Variants in GANC observed in about 807,000 individuals in gnomAD.
The protein encoded by GANC is glucosidase alpha, neutral C, also known as neutral alpha-glucosidase C.
A neutral mutation model predicts 124.2 loss-of-function variants in GANC; 117 were observed. The observed-to-expected ratio is 0.94, with a 90% confidence interval of 0.81 to 1.10. GANC has a LOEUF of 1.10. GANC is among the 50% of genes least tolerant of loss of function. The probability of loss-of-function intolerance (pLI) is 0.00; values close to 1 mark genes in which losing one functional copy is unlikely to be tolerated. For synonymous variants in GANC, 377 were observed against 376.8 expected, an observed-to-expected ratio of 1.00 and a Z score of -0.01; for missense variants, 1,140 against 1,095.0, an observed-to-expected ratio of 1.04 and a Z score of -0.58.
At chr15:42,305,963 G>A (rs374403335) in intron 6 of GANC, among the ~76,000 whole-genome samples, 1 of 151,838 alleles carries the variant, frequency 6.6e-6, no homozygotes, top group Non-Finnish European at 1.5e-5. Context: ...GGCTAGGGGA[G>A]AGATAGCATT....
At chr15:42,337,934 A>G (rs1193352207) in intron 15 of GANC, among the ~76,000 whole-genome samples, 2 of 152,052 alleles carry the variant, frequency 1.3e-5, no homozygotes, top group Non-Finnish European at 2.9e-5. Context: ...GATGGTGCAC[A>G]CTTGTAATCC....
rs1205452897 is a variant in GANC, at chr15:42,320,977, G to A, written c.1058-808G>A. ...AAATTACTCCACTCCCATTCTCTTTGTTTTTGTGGCTTTCTTCCTTTTTTC... is the reference window on the plus strand; with the variant it reads ...AAATTACTCCACTCCCATTCTCTTTATTTTTGTGGCTTTCTTCCTTTTTTC... On this transcript the variant is annotated intron_variant, in intron 10 of 23. Coordinates refer to ENST00000318010, the MANE Select transcript of GANC (RefSeq NM_198141.3). Among the ~76,000 whole-genome samples, 5 of 152,104 alleles carry A rather than the reference G, an allele frequency of 3.3e-5. 1 individual carries two copies. In the South Asian group the frequency reaches 1.0e-3, roughly 32 times the overall value.
At position 42,352,329 on chromosome 15, in the gene GANC, G is replaced by A. The variant is rs148767886; in HGVS notation, c.*190G>A. ...AATTTCAGATTTTACATGTTAAGAT[G>A]TACTAACAATATTCCTTGTATCAAA... On this transcript the variant is annotated 3_prime_UTR_variant, in exon 24 of 24. Transcript: ENST00000318010. The A allele has an allele frequency of 1.3e-5, 18 of 1,402,310 alleles. No individual in the cohort carries two copies. The African/African-American group carries it at 2.6e-4, about 20-fold the overall frequency. The allele number at this position is 1,402,310 out of a possible 1,614,324, so 86.9% of individuals were successfully genotyped here. A position where few individuals can be genotyped will look rare whatever the true frequency, so the allele number is the denominator to read the frequency against.
chr15:42,348,354 T>C, intron 21 of GANC, 138 bp downstream of exon 21: 1 of 619,664 alleles, frequency 1.6e-6, no homozygotes, highest in Non-Finnish European at 2.8e-6. Context: ...TTCTGAATCA[T>C]TGTTCAGCTT....
chr15:42,312,449 A>G lies in GANC; in HGVS notation c.1057+1603A>G, dbSNP rs956526819. The stretch of plus-strand genomic sequence containing the variant: ...ACAAGCACTCTCTTTGCCTGCTGCT[A>G]TTCACAGAAGATGTGACATGCTCCT... On this transcript the variant is annotated intron_variant, in intron 10 of 23. Transcript: ENST00000318010. Among the ~76,000 whole-genome samples the G allele has an allele frequency of 3.3e-5, 5 of 152,216 alleles. 1 individual carries two copies. Among genetic ancestry groups the G allele is most frequent in the Non-Finnish European group, 5.9e-5 (4 of 68,040 alleles).
At chr15:42,351,958 A>G in intron 23 of GANC, 72 bp from the exon 24 acceptor site, 1 of 1,575,482 alleles carries the variant, frequency 6.3e-7, no homozygotes, top group Non-Finnish European at 8.6e-7. Context: ...AAAACATTTC[A>G]GATTTGGAGA....
intron 10 of GANC, among the ~76,000 whole-genome samples, chr15:42,318,565 G>A (rs563428728): frequency 6.6e-6 from 1 of 152,084 alleles, no homozygotes; most frequent in African/African-American, 2.4e-5. Flanking sequence ...CTGAAATTTT[G>A]TAATAAAATC....
chr15:42,297,133 C>T (rs982952886), intron 5 of GANC, among the ~76,000 whole-genome samples: 9 of 151,838 alleles, frequency 5.9e-5, no homozygotes, highest in African/African-American at 2.2e-4. Context: ...AGAGTTACAC[C>T]GAGTGTAGGG....
At chr15:42,346,000 G>A (rs1273241829) in intron 20 of GANC, among the ~76,000 whole-genome samples, 168 bp downstream of exon 20, 1 of 152,182 alleles carries the variant, frequency 6.6e-6, no homozygotes, top group Non-Finnish European at 1.5e-5. Context: ...TTCTGTTCCT[G>A]GTGAGAGATC....
rs578220746 is a variant in GANC, at chr15:42,273,410, T to G, written c.-1072T>G. 8.1e-6 allele frequency: 13 copies of G among 1,613,646 alleles called. No homozygotes were observed. In the African/African-American group the frequency reaches 1.7e-4, roughly 22 times the overall value. ...GCAGCCGCCGCCATCTTCACAGCCGTGGAGTGCCTACCGAAAGCATTTCAC... is the reference window on the plus strand; with the variant it reads ...GCAGCCGCCGCCATCTTCACAGCCGGGGAGTGCCTACCGAAAGCATTTCAC... On this transcript the variant is annotated 5_prime_UTR_variant, in exon 1 of 24. Transcript: ENST00000318010.
Position 42,310,771 on chromosome 15 carries a change from A to G in GANC, c.982A>G (p.Ser328Gly). 1.2e-6 allele frequency: 2 copies of G among 1,614,140 alleles called. No individual in the cohort carries two copies. The highest frequency in any genetic ancestry group is 1.7e-6 in the Non-Finnish European group (2 of 1,180,000). Residue 328 changes from serine to glycine, a missense_variant, in exon 10 of 24, where the codon AGT (serine) becomes GGT (glycine). Transcript: ENST00000318010. Reference protein sequence around the residue: ...SRTHVHWMSESGIIDVFLLTG... With the variant: ...SRTHVHWMSEGGIIDVFLLTG... Reference sequence around the variant, plus strand: ...CACTCATGTGCACTGGATGTCAGAGAGTGGCATCATTGATGTTTTTCTGCT... The same window carrying G: ...CACTCATGTGCACTGGATGTCAGAGGGTGGCATCATTGATGTTTTTCTGCT...
chr15:42,341,133 A>G (rs2052327106), intron 18 of GANC, among the ~76,000 whole-genome samples: 2 of 140,116 alleles, frequency 1.4e-5, no homozygotes, highest in Non-Finnish European at 3.1e-5. Flanking sequence ...TTCTAATATA[A>G]GAGCAATAAA....
Position 42,300,065 on chromosome 15 carries a change from G to A in GANC, c.558+2409G>A, listed in dbSNP as rs577303979. Among the ~76,000 whole-genome samples the A allele has an allele frequency of 1.6e-4, 25 of 152,238 alleles. No individual in the cohort carries two copies. In the South Asian group the frequency reaches 1.7e-3, roughly 10 times the overall value. On this transcript the variant is annotated intron_variant, in intron 6 of 23. Coordinates refer to ENST00000318010, the MANE Select transcript of GANC (RefSeq NM_198141.3). ...GGACATAGGCGTGGGCAAAGACTTCGTGATGAAAGCGCCAAAAGCAAATGC... is the reference window on the plus strand; with the variant it reads ...GGACATAGGCGTGGGCAAAGACTTCATGATGAAAGCGCCAAAAGCAAATGC...
At chr15:42,340,395 T>A (rs2052320233) in intron 17 of GANC, among the ~76,000 whole-genome samples, 1 of 151,966 alleles carries the variant, frequency 6.6e-6, no homozygotes, top group Admixed American at 6.6e-5. Flanking sequence ...TCATCTGAGG[T>A]CTGGAGTTCG....
chr15:42,297,519 T>A, intron 5 of GANC, 92 bp from the exon 6 acceptor site: 2 of 821,058 alleles, frequency 2.4e-6, no homozygotes, highest in South Asian at 1.5e-5. Flanking sequence ...ATAACTGAGG[T>A]CTCAAAAGTT....
intron 16 of GANC, among the ~76,000 whole-genome samples, chr15:42,339,054 T>A (rs2052306845): frequency 6.6e-6 from 1 of 152,194 alleles, no homozygotes; most frequent in Admixed American, 6.5e-5. Flanking sequence ...TGGCTGCAGT[T>A]CCAGCTGCTC....
chr15:42,278,706 C>A, intron 3 of GANC, 116 bp downstream of exon 3: 1 of 706,226 alleles, frequency 1.4e-6, no homozygotes, highest in Non-Finnish European at 2.3e-6. Flanking sequence ...AAAGGAATAT[C>A]AGCCTTTTAG....
At chr15:42,306,422 C>A in intron 6 of GANC, 124 bp from the exon 7 acceptor site, 1 of 725,228 alleles carries the variant, frequency 1.4e-6, no homozygotes, top group Non-Finnish European at 2.3e-6. Context: ...ACACACTGGT[C>A]TTCTAAAAGA....
chr15:42,276,326 C>A, intron 1 of GANC, 22 bp from the exon 2 acceptor site: 2 of 1,173,442 alleles, frequency 1.7e-6, no homozygotes, highest in South Asian at 1.2e-5. Context: ...AAATAAATTT[C>A]TCAAAATGTC....
Sources: gnomAD v4.1 joint callset for allele counts (sites outside exome capture counted in the v4.1 genomes callset) on GRCh38, gnomAD v4.1.1 for gene constraint, MANE v1.5 for transcripts, NCBI Gene and HGNC (gene_info 2026-07-23, HGNC 2026-07-21) for gene names.